The following LRRC7 variants were observed in gnomAD, a reference collection of about 807,000 sequenced individuals.
The protein encoded by LRRC7 is leucine rich repeat containing 7.
LRRC7 carries 23 observed loss-of-function variants against 175.7 expected under a neutral mutation model. That is an observed-to-expected ratio of 0.13 (90% CI 0.09 to 0.19). The LOEUF is 0.19. Ranked by LOEUF, LRRC7 falls within the 10% of genes least tolerant of loss-of-function variation. The probability of loss-of-function intolerance (pLI) is 1.00; values close to 1 mark genes in which losing one functional copy is unlikely to be tolerated. For missense variants in LRRC7, 1,354 were observed against 1,904.7 expected (o/e 0.71, Z 5.38); for synonymous variants, 685 against 680.9 (o/e 1.01, Z -0.09).
chr1:69,693,652 C>T (rs1475886188), intron 2 of LRRC7, among the ~76,000 whole-genome samples: 1 of 152,140 alleles, frequency 6.6e-6, no homozygotes, highest in African/African-American at 2.4e-5. Flanking sequence ...CATCCAAAAA[C>T]ACCCTCACAG....
chr1:70,116,466 G>A (rs1665859825), intron 26 of LRRC7, among the ~76,000 whole-genome samples: 1 of 150,634 alleles, frequency 6.6e-6, no homozygotes. Context: ...AGAATGGCGT[G>A]AGCCCGGGAG....
intron 21 of LRRC7, among the ~76,000 whole-genome samples, chr1:70,040,817 G>GA (rs145552059): frequency 6.1e-5 from 9 of 148,618 alleles, no homozygotes; most frequent in Non-Finnish European, 7.5e-5. Context: ...CTGTCTTGGG[G>GA]AAAAAAAAAA....
chr1:69,634,659 C>CA (rs1486041911), intron 1 of LRRC7, among the ~76,000 whole-genome samples: 2 of 152,042 alleles, frequency 1.3e-5, no homozygotes, highest in African/African-American at 4.8e-5. Context: ...CTATGAAATC[C>CA]AAATTACCCT....
chr1:69,686,679 T>C (rs914163865), intron 2 of LRRC7, among the ~76,000 whole-genome samples: 1 of 151,804 alleles, frequency 6.6e-6, no homozygotes, highest in African/African-American at 2.4e-5. Context: ...AAAAGAAACA[T>C]AGAAACAAGA....
At chr1:69,596,602 G>A (rs1167066707) in intron 1 of LRRC7, among the ~76,000 whole-genome samples, 1 of 152,172 alleles carries the variant, frequency 6.6e-6, no homozygotes, top group Non-Finnish European at 1.5e-5. Context: ...CTTTAAGTGG[G>A]ACAAACTATT....
chr1:70,116,565 A>C (rs1001968864), intron 26 of LRRC7, among the ~76,000 whole-genome samples: 38 of 144,368 alleles, frequency 2.6e-4, no homozygotes, highest in African/African-American at 8.1e-4. Context: ...AAAAAAAAAA[A>C]CACAGAAATT....
At chr1:69,919,841 G>A (rs754955303) in intron 7 of LRRC7, 6 of 707,944 alleles carry the variant, frequency 8.5e-6, no homozygotes, top group African/African-American at 1.8e-5. Context: ...CACGGAGTGA[G>A]GATTGGGGGC....
chr1:70,061,577 T>C (rs994417373), intron 23 of LRRC7, among the ~76,000 whole-genome samples: 2 of 152,182 alleles, frequency 1.3e-5, no homozygotes, highest in Non-Finnish European at 2.9e-5. Context: ...CATATAATTA[T>C]AATTTTTAAT....
Position 69,578,285 on chromosome 1 carries a change from G to A in LRRC7, c.2+9644G>A, listed in dbSNP as rs570266273. 2.8e-4 allele frequency among the ~76,000 whole-genome samples: 42 copies of A among 150,282 alleles called. 1 individual carries two copies. In the East Asian group the frequency reaches 4.3e-3, roughly 15 times the overall value. ...TAGAATGGCAATCATTAAAAAGTCA[G>A]GAATCAACAGGTGCTGGAGAGGATG... On this transcript the variant is annotated intron_variant, in intron 1 of 26. Coordinates refer to ENST00000651989, the MANE Select transcript of LRRC7 (RefSeq NM_001370785.2).
chr1:69,717,305 G>A (rs917941520), intron 2 of LRRC7, among the ~76,000 whole-genome samples: 1 of 151,494 alleles, frequency 6.6e-6, no homozygotes, highest in Non-Finnish European at 1.5e-5. Context: ...TAGCAGTACA[G>A]ATTCAAAAAA....
At chr1:69,772,461 T>A (rs1256815252) in intron 3 of LRRC7, among the ~76,000 whole-genome samples, 1 of 152,138 alleles carries the variant, frequency 6.6e-6, no homozygotes, top group Non-Finnish European at 1.5e-5. Flanking sequence ...CAAGTTCAAA[T>A]AAGCTAAGAA....
At position 70,122,668 on chromosome 1, in the gene LRRC7, G is replaced by T. The variant is rs1237949149; in HGVS notation, c.*781G>T. The stretch of plus-strand genomic sequence containing the variant: ...TGCAGAGTTTAGAAACAGACTAAAG[G>T]TCATTGTAGTTAAGTCTTTTTCACC... On this transcript the variant is annotated 3_prime_UTR_variant, in exon 27 of 27. Coordinates refer to ENST00000651989, the MANE Select transcript of LRRC7 (RefSeq NM_001370785.2). The T allele has an allele frequency of 1.3e-5, 2 of 152,042 alleles. No homozygotes were observed. The highest frequency in any genetic ancestry group is 2.9e-5 in the Non-Finnish European group (2 of 67,932). 9.4% of individuals were successfully genotyped at this position (152,042 alleles called of 1,614,324 possible). A position where few individuals can be genotyped will look rare whatever the true frequency, so the allele number is the denominator to read the frequency against.
Position 70,023,319 on chromosome 1 carries a change from C to G in LRRC7, c.1739C>G (p.Thr580Ser). The G allele has an allele frequency of 1.2e-6, 2 of 1,613,054 alleles. No individual in the cohort carries two copies. Among genetic ancestry groups the G allele is most frequent in the Non-Finnish European group, 1.7e-6 (2 of 1,179,328 alleles). Residue 580 changes from threonine (T) to serine (S), a missense_variant, in exon 17 of 27, where the codon ACT (threonine) becomes AGT (serine). Around this residue, in one of 4 missense-constraint regions of LRRC7, gnomAD observed 1,032 missense variants for 1,227.2 expected, o/e 0.84. Transcript: ENST00000651989. ...CTCCAGCAGGAAAGGAGCATGTGTA[C>G]TCCATTGCCAGTTGCAGCACAATCC... ...SGLQQERSMC[T>S]PLPVAAQSTT...
intron 23 of LRRC7, among the ~76,000 whole-genome samples, chr1:70,054,012 C>G (rs1660943385): frequency 1.3e-5 from 2 of 152,144 alleles, no homozygotes; most frequent in African/African-American, 2.4e-5. Context: ...AATGGAAACT[C>G]TTTTAGACTT....
At chr1:69,809,996 A>G (rs947249669) in intron 4 of LRRC7, among the ~76,000 whole-genome samples, 1 of 152,168 alleles carries the variant, frequency 6.6e-6, no homozygotes, top group Non-Finnish European at 1.5e-5. Context: ...CTTTTTGCAG[A>G]TGACATGATT....
chr1:69,980,963 A>G (rs1653363324), intron 9 of LRRC7, among the ~76,000 whole-genome samples: 2 of 152,154 alleles, frequency 1.3e-5, no homozygotes, highest in African/African-American at 4.8e-5. Flanking sequence ...AGAAAGTTAA[A>G]CCAGAGTCAA....
Position 70,038,174 on chromosome 1 carries a change from G to A in LRRC7, c.2350G>A (p.Val784Ile), listed in dbSNP as rs1659503524. 1.9e-6 allele frequency: 3 copies of A among 1,614,016 alleles called. No homozygotes were observed. Among genetic ancestry groups the A allele is most frequent in the Non-Finnish European group, 2.5e-6 (3 of 1,179,964 alleles). The change falls in exon 21 of 27, where the codon GTT (valine) becomes ATT (isoleucine). Residue 784 changes from valine to isoleucine, a missense_variant. Physicochemically the swap from Val to Ile is conservative, Grantham distance 29 (BLOSUM62 3). This residue lies in a region of LRRC7 where 1,032 missense variants were observed against 1,227.2 expected (regional missense o/e 0.84). Transcript: ENST00000651989. Reference sequence around the variant, plus strand: ...GCCATTACTCAGCCAGCGGGAGGCTGTTCCCCCAGGCAATATACCACAGCG... The same window carrying A: ...GCCATTACTCAGCCAGCGGGAGGCTATTCCCCCAGGCAATATACCACAGCG... The part of the protein sequence containing the change: ...SKPLLSQREA[V>I]PPGNIPQRPD...
At chr1:69,894,925 A>G (rs1214289242) in intron 7 of LRRC7, among the ~76,000 whole-genome samples, 3 of 152,172 alleles carry the variant, frequency 2.0e-5, no homozygotes, top group Non-Finnish European at 2.9e-5. Flanking sequence ...ACAATAAGGT[A>G]TTGTGTACAT....
At chr1:69,727,867 T>G (rs780172768) in intron 2 of LRRC7, among the ~76,000 whole-genome samples, 5 of 152,230 alleles carry the variant, frequency 3.3e-5, no homozygotes, top group African/African-American at 4.8e-5. Context: ...TAAAAGCTGT[T>G]AATCATTTTG....
Sources: gnomAD v4.1 joint callset for allele counts (sites outside exome capture counted in the v4.1 genomes callset) on GRCh38, gnomAD v4.1.1 for gene constraint, gnomAD v4.1.1 regional missense constraint, MANE v1.5 for transcripts, NCBI Gene and HGNC (gene_info 2026-07-23, HGNC 2026-07-21) for gene names.